The following RAD51C variants were observed in gnomAD, a reference collection of about 807,000 sequenced individuals.
RAD51C encodes the protein RAD51 paralog C.
RAD51C carries 42 observed loss-of-function variants against 45.0 expected under a neutral mutation model. The ratio of observed to expected loss-of-function variants is 0.93; its 90% CI spans 0.73 to 1.21. The LOEUF is 1.21. RAD51C is among the 50% of genes most tolerant of loss of function. The pLI, the probability that RAD51C is intolerant of heterozygous loss-of-function variation, is 0.00. For synonymous variants in RAD51C, 172 were observed against 159.8 expected (o/e 1.08, Z -0.58); for missense variants, 474 against 452.2 (o/e 1.05, Z -0.44).
rs1207033723 is a variant in RAD51C, at chr17:58,723,021, T to C, written c.905-1019T>C. ...AGTAACCTAACATATAACCTATTAG[T>C]AATTGTTAACCATGAAGATTTTCAG... On this transcript the variant is annotated intron_variant, in intron 6 of 8. Transcript: ENST00000337432. Among the ~76,000 whole-genome samples the C allele has an allele frequency of 2.0e-5, 3 of 152,226 alleles. No individual in the cohort carries two copies. In the South Asian group the frequency reaches 6.2e-4, roughly 31 times the overall value.
chr17:58,722,216 G>A (rs1433287438), intron 6 of RAD51C, among the ~76,000 whole-genome samples: 1 of 152,134 alleles, frequency 6.6e-6, no homozygotes, highest in Non-Finnish European at 1.5e-5. Flanking sequence ...AAGCAGAGAA[G>A]CAAATAAATG....
chr17:58,701,193 G>A (rs574271529), intron 3 of RAD51C, among the ~76,000 whole-genome samples: 35 of 151,584 alleles, frequency 2.3e-4, no homozygotes, highest in African/African-American at 8.0e-4. Flanking sequence ...GAGCCACCAC[G>A]CCTGGCTAAG....
chr17:58,694,805 T>C, intron 1 of RAD51C, 126 bp from the exon 2 acceptor site: 2 of 962,444 alleles, frequency 2.1e-6, no homozygotes, highest in Non-Finnish European at 3.3e-6. Flanking sequence ...TGATAGAATG[T>C]TGCATTTTTA....
intron 5 of RAD51C, among the ~76,000 whole-genome samples, chr17:58,719,998 G>A (rs897075488): frequency 3.3e-5 from 5 of 151,310 alleles, no homozygotes; most frequent in African/African-American, 7.3e-5. Flanking sequence ...GGATGGTCTC[G>A]ATCTCCTGAC....
intron 5 of RAD51C, 132 bp from the exon 6 acceptor site, chr17:58,720,614 A>G (rs575409877): frequency 4.5e-6 from 3 of 669,184 alleles, no homozygotes; most frequent in Non-Finnish European, 8.0e-6. Flanking sequence ...CTGGGATTAC[A>G]GGTGCATGCC....
At chr17:58,734,016 C>G in intron 8 of RAD51C, 102 bp from the exon 9 acceptor site, 1 of 1,517,210 alleles carries the variant, frequency 6.6e-7, no homozygotes, top group South Asian at 1.2e-5. Context: ...GCGCCTGGCC[C>G]TAGAATAAAG....
chr17:58,718,907 T>C (rs983921044), intron 5 of RAD51C, among the ~76,000 whole-genome samples: 1 of 152,102 alleles, frequency 6.6e-6, no homozygotes, highest in African/African-American at 2.4e-5. Flanking sequence ...AAAAATATTC[T>C]AGGGAGGCAA....
chr17:58,714,158 T>C (rs1355185596), intron 5 of RAD51C, among the ~76,000 whole-genome samples: 1 of 151,918 alleles, frequency 6.6e-6, no homozygotes, highest in East Asian at 1.9e-4. Context: ...CTAATTTTTG[T>C]ATTTTTAGTA....
chr17:58,699,052 G>A (rs1251141275), intron 3 of RAD51C, among the ~76,000 whole-genome samples: 2 of 151,816 alleles, frequency 1.3e-5, no homozygotes, highest in African/African-American at 4.8e-5. Flanking sequence ...TGTCACCCAG[G>A]CTGGAGTGCA....
At position 58,692,647 on chromosome 17, in the gene RAD51C, C is replaced by G. The variant is rs758029117; in HGVS notation, c.4C>G (p.Arg2Gly). M[R>G]GKTFRFEMQR... ...GGGGTTAGCAGGTGAGCCTGCGATG[C>G]GCGGGAAGACGTTCCGCTTTGAAAT... The change falls in exon 1 of 9, where the codon CGC becomes GGC. Residue 2 changes from arginine to glycine, a missense_variant. By Grantham distance (125) the Arg-to-Gly change is moderately radical. Transcript: ENST00000337432. 3.7e-6 allele frequency: 6 copies of G among 1,614,116 alleles called. No individual in the cohort carries two copies. The highest frequency in any genetic ancestry group is 1.7e-5 in the Admixed American group (1 of 60,026).
chr17:58,700,621 T>A (rs2048182423), intron 3 of RAD51C, among the ~76,000 whole-genome samples: 1 of 151,838 alleles, frequency 6.6e-6, no homozygotes, highest in South Asian at 2.1e-4. Context: ...TTTGTATTTT[T>A]AGTAGAGATG....
chr17:58,696,419 C>G (rs1238766771), intron 2 of RAD51C, among the ~76,000 whole-genome samples: 2 of 152,132 alleles, frequency 1.3e-5, no homozygotes, highest in Admixed American at 6.5e-5. Context: ...GGCGACAGAG[C>G]GAGACTCCGT....
At chr17:58,710,799 A>G (rs143648815) in intron 5 of RAD51C, among the ~76,000 whole-genome samples, 10 of 151,360 alleles carry the variant, frequency 6.6e-5, no homozygotes, top group Admixed American at 6.6e-4. Context: ...TTTTTTTTTT[A>G]AAGTTTTACC....
rs1442531183 is a variant in RAD51C, at chr17:58,721,733, T to G, written c.904+921T>G. ...ACGGTCGCGCCATTGCACTCCAGCC[T>G]GGGCAACAAGAGTGAAACTCTGTCT... On this transcript the variant is annotated intron_variant, in intron 6 of 8. Coordinates refer to ENST00000337432, the MANE Select transcript of RAD51C (RefSeq NM_058216.3). Among the ~76,000 whole-genome samples, 18 of 151,322 alleles carry G rather than the reference T, an allele frequency of 1.2e-4. No individual in the cohort carries two copies. The East Asian group carries it at 3.5e-3, about 29-fold the overall frequency.
At position 58,697,000 on chromosome 17, in the gene RAD51C, A is replaced by G. The variant is rs973682246; in HGVS notation, c.571+141A>G. The G allele has an allele frequency of 1.2e-4, 128 of 1,042,684 alleles. 1 individual carries two copies. The East Asian group carries it at 3.3e-3, about 27-fold the overall frequency. 64.6% of individuals were successfully genotyped at this position (1,042,684 alleles called of 1,614,324 possible). A position where few individuals can be genotyped will look rare whatever the true frequency, so the allele number is the denominator to read the frequency against. ...TTAACTAGTGTTAAACTCTTTTACT[A>G]CTGTTACAAAATGAGAAATGCCACA... On this transcript the variant is annotated intron_variant, in intron 3 of 8. Coordinates refer to ENST00000337432, the MANE Select transcript of RAD51C (RefSeq NM_058216.3).
At chr17:58,732,185 A>G in intron 7 of RAD51C, 1 of 295,674 alleles carries the variant, frequency 3.4e-6, no homozygotes, top group Non-Finnish European at 6.4e-6. Context: ...ATCTCATTGA[A>G]TATTTTCTTC....
At chr17:58,703,175 A>G in intron 3 of RAD51C, 21 bp from the exon 4 acceptor site, 1 of 1,607,978 alleles carries the variant, frequency 6.2e-7, no homozygotes, top group Non-Finnish European at 8.5e-7. Context: ...AAAACTAATT[A>G]AGAGTGTTTT....
At position 58,726,416 on chromosome 17, in the gene RAD51C, T is replaced by TG. The variant is rs1457438560; in HGVS notation, c.965+2316_965+2317insG. On this transcript the variant is annotated intron_variant, in intron 7 of 8. Coordinates refer to ENST00000337432, the MANE Select transcript of RAD51C (RefSeq NM_058216.3). ...ATGTATATATGTGTATATATATAGA[T>TG]TATATGTATATATGTGTATACGTAT... Among the ~76,000 whole-genome samples the TG allele has an allele frequency of 7.7e-5, 8 of 104,536 alleles. No homozygotes were observed. In the Admixed American group the frequency reaches 8.8e-4, roughly 12 times the overall value. The allele number at this position is 104,536 out of a possible 152,430, so 68.6% of individuals were successfully genotyped here.
At chr17:58,727,339 G>C (rs1246835283) in intron 7 of RAD51C, among the ~76,000 whole-genome samples, 1 of 148,512 alleles carries the variant, frequency 6.7e-6, no homozygotes. Flanking sequence ...GGCCAGGCTG[G>C]TCTTGAACTC....
Sources: gnomAD v4.1 joint callset for allele counts (sites outside exome capture counted in the v4.1 genomes callset) on GRCh38, gnomAD v4.1.1 for gene constraint, MANE v1.5 for transcripts, NCBI Gene and HGNC (gene_info 2026-07-23, HGNC 2026-07-21) for gene names.